The following PCOLCE2 variants were observed in gnomAD, a reference collection of about 807,000 sequenced individuals.
The protein encoded by PCOLCE2 is procollagen C-proteinase enhancer 2.
PCOLCE2 carries 42 observed loss-of-function variants against 47.0 expected under a neutral mutation model. The ratio of observed to expected loss-of-function variants is 0.89; its 90% CI spans 0.70 to 1.16. The LOEUF (loss-of-function observed/expected upper bound fraction) is 1.16. Ranked by LOEUF, PCOLCE2 falls within the 50% of genes most tolerant of loss-of-function variation. The probability of loss-of-function intolerance (pLI) is 0.00; values close to 1 mark genes in which losing one functional copy is unlikely to be tolerated. For missense variants in PCOLCE2, 500 were observed against 526.1 expected, an observed-to-expected ratio of 0.95 and a Z score of 0.49; for synonymous variants, 169 against 191.7, an observed-to-expected ratio of 0.88 and a Z score of 0.98.
At chr3:142,825,465 A>T (rs905160204) in intron 6 of PCOLCE2, among the ~76,000 whole-genome samples, 1 of 151,854 alleles carries the variant, frequency 6.6e-6, no homozygotes, top group Non-Finnish European at 1.5e-5. Context: ...CCCATGTCTG[A>T]TCCCGCAGTC....
At chr3:142,864,258 T>C (rs1277921745) in intron 2 of PCOLCE2, 1 of 152,230 alleles carries the variant, frequency 6.6e-6, no homozygotes, top group Non-Finnish European at 1.5e-5. Flanking sequence ...CCCTCAGCTG[T>C]CTGAAGAGAT....
intron 2 of PCOLCE2, among the ~76,000 whole-genome samples, chr3:142,867,974 T>A (rs1473213649): frequency 2.6e-5 from 4 of 152,188 alleles, no homozygotes. Context: ...TGAAGCAGAA[T>A]GTAAAACTCA....
intron 5 of PCOLCE2, among the ~76,000 whole-genome samples, chr3:142,831,253 G>C (rs989095378): frequency 6.6e-6 from 1 of 152,186 alleles, no homozygotes; most frequent in African/African-American, 2.4e-5. Flanking sequence ...TGGATAAGTG[G>C]GTTAATGGAT....
In PCOLCE2 at chr3:142,818,531, G is replaced by A. The variant is rs569225697; in HGVS notation, c.1118-66C>T. The stretch of plus-strand genomic sequence containing the variant: ...TATCATGTGTGAAACAACTTAGACT[G>A]TAAGTTACCTCTAGATAAATGTTCT... On this transcript the variant is annotated intron_variant, in intron 8 of 8. Transcript: ENST00000295992. 1.5e-3 allele frequency: 1,727 copies of A among 1,132,428 alleles called. 12 individuals carry two copies. The highest frequency in any genetic ancestry group is 7.8e-3 in the South Asian group (635 of 81,118). 70.1% of individuals were successfully genotyped at this position (1,132,428 alleles called of 1,614,324 possible). A position where few individuals can be genotyped will look rare whatever the true frequency, so the allele number is the denominator to read the frequency against.
intron 8 of PCOLCE2, among the ~76,000 whole-genome samples, chr3:142,820,583 A>G (rs1937001637): frequency 2.0e-5 from 3 of 152,086 alleles, no homozygotes. Context: ...CCTAGACAGT[A>G]CTGGCATCTT....
chr3:142,864,848 T>C (rs765048815), intron 2 of PCOLCE2, among the ~76,000 whole-genome samples: 6 of 152,260 alleles, frequency 3.9e-5, no homozygotes, highest in Non-Finnish European at 8.8e-5. Context: ...ATACCTTTTA[T>C]GGCTGAATAA....
intron 2 of PCOLCE2, among the ~76,000 whole-genome samples, chr3:142,850,681 G>A (rs1476235638): frequency 6.6e-6 from 1 of 152,198 alleles, no homozygotes; most frequent in Non-Finnish European, 1.5e-5. Context: ...AAGCTGTTCT[G>A]GTGGCACCAT....
At chr3:142,871,869 C>A (rs1337325849) in intron 2 of PCOLCE2, among the ~76,000 whole-genome samples, 13 of 152,068 alleles carry the variant, frequency 8.5e-5, no homozygotes, top group African/African-American at 3.1e-4. Context: ...TATACATATA[C>A]ATAAACATTT....
At chr3:142,887,568 T>A in intron 2 of PCOLCE2, 101 bp downstream of exon 2, 1 of 677,028 alleles carries the variant, frequency 1.5e-6, no homozygotes, top group Admixed American at 2.5e-5. Flanking sequence ...TTTCAGGCAT[T>A]TGCCTCTTAC....
At position 142,827,650 on chromosome 3, in the gene PCOLCE2, C is replaced by T. The variant is rs377736767; in HGVS notation, c.865+2042G>A. The T allele has an allele frequency of 6.6e-4, 960 of 1,458,420 alleles. 1 individual carries two copies. Among genetic ancestry groups the T allele is most frequent in the Non-Finnish European group, 8.7e-4 (905 of 1,041,956 alleles). 90.3% of individuals were successfully genotyped at this position (1,458,420 alleles called of 1,614,324 possible). A position where few individuals can be genotyped will look rare whatever the true frequency, so the allele number is the denominator to read the frequency against. ...TGCCCTCGGCAGCAATGAAAAGCTC[C>T]GTCCGCTTCTTAAACCAGTACGGGT... On this transcript the variant is annotated intron_variant, in intron 6 of 8. Transcript: ENST00000295992.
chr3:142,868,320 G>C (rs890012793), intron 2 of PCOLCE2, among the ~76,000 whole-genome samples: 1 of 152,034 alleles, frequency 6.6e-6, no homozygotes, highest in African/African-American at 2.4e-5. Context: ...CAACTGAATG[G>C]ACCCCTCGTC....
At chr3:142,821,482 G>A (rs1041178632) in intron 7 of PCOLCE2, among the ~76,000 whole-genome samples, 10 of 152,016 alleles carry the variant, frequency 6.6e-5, no homozygotes, top group Non-Finnish European at 1.3e-4. Flanking sequence ...TCTTTGTGTC[G>A]GTGTGGGTGT....
intron 5 of PCOLCE2, among the ~76,000 whole-genome samples, chr3:142,832,677 T>C (rs951403386): frequency 1.3e-5 from 2 of 152,162 alleles, no homozygotes; most frequent in Non-Finnish European, 2.9e-5. Context: ...TACTTTTCTT[T>C]GCAGTTTTAA....
At chr3:142,848,059 T>C (rs1181392332) in intron 3 of PCOLCE2, among the ~76,000 whole-genome samples, 158 bp downstream of exon 3, 1 of 152,240 alleles carries the variant, frequency 6.6e-6, no homozygotes, top group East Asian at 1.9e-4. Context: ...GGACTTAAAT[T>C]AAAAGGCTGA....
chr3:142,884,612 T>TA (rs1464505808), intron 2 of PCOLCE2, among the ~76,000 whole-genome samples: 1 of 152,132 alleles, frequency 6.6e-6, no homozygotes, highest in East Asian at 1.9e-4. Flanking sequence ...ACAGTAAAAG[T>TA]AAAAAACCTA....
chr3:142,871,663 G>A (rs1471003973), intron 2 of PCOLCE2, among the ~76,000 whole-genome samples: 1 of 152,192 alleles, frequency 6.6e-6, no homozygotes, highest in Admixed American at 6.5e-5. Context: ...TCTGTCTCAA[G>A]ACTACAGCGG....
At chr3:142,841,706 A>ATGG (rs1400584998) in intron 4 of PCOLCE2, among the ~76,000 whole-genome samples, 1 of 152,194 alleles carries the variant, frequency 6.6e-6, no homozygotes, top group Non-Finnish European at 1.5e-5. Context: ...ACTAACTTGC[A>ATGG]TGGTATATTA....
At chr3:142,856,370 G>C (rs981403361) in intron 2 of PCOLCE2, among the ~76,000 whole-genome samples, 1 of 152,164 alleles carries the variant, frequency 6.6e-6, no homozygotes, top group Admixed American at 6.5e-5. Flanking sequence ...TGGCTGGTCA[G>C]TTGGGGTGAG....
rs142980388 is a variant in PCOLCE2 at position 142,886,625 on chromosome 3, C to A, written c.192+1044G>T. Reference sequence around the variant, plus strand: ...CTCTCATATCTGCCTGCAAAATGACCTCAGTGGGAATACCTTATTGCAAAG... The same window carrying A: ...CTCTCATATCTGCCTGCAAAATGACATCAGTGGGAATACCTTATTGCAAAG... On this transcript the variant is annotated intron_variant, in intron 2 of 8. Coordinates refer to ENST00000295992, the MANE Select transcript of PCOLCE2 (RefSeq NM_013363.4). Among the ~76,000 whole-genome samples the A allele has an allele frequency of 2.0e-4, 31 of 152,262 alleles. No homozygotes were observed. In the East Asian group the frequency reaches 5.6e-3, roughly 27 times the overall value.
Sources: allele counts gnomAD v4.1 joint callset (sites outside exome capture counted in the v4.1 genomes callset), GRCh38; gene constraint gnomAD v4.1.1; transcripts MANE v1.5; gene names NCBI Gene and HGNC (gene_info 2026-07-23, HGNC 2026-07-21).